PTPRA: variants seen among roughly 807,000 people sequenced by gnomAD.
The protein encoded by PTPRA is receptor-type tyrosine-protein phosphatase alpha.
PTPRA carries 25 observed loss-of-function variants against 104.8 expected under a neutral mutation model. The observed-to-expected ratio is 0.24, with a 90% CI of 0.17 to 0.33. The LOEUF (loss-of-function observed/expected upper bound fraction) is 0.33. Ranked by LOEUF, PTPRA falls within the 10% of genes least tolerant of loss-of-function variation. The pLI, the probability that PTPRA is intolerant of heterozygous loss-of-function variation, is 1.00. For synonymous variants in PTPRA, 323 were observed against 368.9 expected (o/e 0.88, Z 1.43); for missense variants, 765 against 1,015.3 (o/e 0.75, Z 3.35).
At chr20:2,868,134 C>G in the PTPRA span, among the ~76,000 whole-genome samples, 1 of 152,144 alleles carries the variant, frequency 6.6e-6, no homozygotes, top group Non-Finnish European at 1.5e-5. Context: ...GCCAGAACAC[C>G]TGCAACATGG....
At chr20:2,904,894 A>G (rs1043370505) in intron 1 of PTPRA, among the ~76,000 whole-genome samples, 1 of 152,156 alleles carries the variant, frequency 6.6e-6, no homozygotes, top group Non-Finnish European at 1.5e-5. Flanking sequence ...GGGGAAAAAT[A>G]CGTAAAGATT....
chr20:2,892,817 T>C (rs1231117963), intron 1 of PTPRA, among the ~76,000 whole-genome samples: 1 of 152,242 alleles, frequency 6.6e-6, no homozygotes, highest in Non-Finnish European at 1.5e-5. Flanking sequence ...GCAGCAGAAC[T>C]AAGTTCGGTT....
At chr20:2,990,133 T>C (rs1257577986) in intron 9 of PTPRA, among the ~76,000 whole-genome samples, 1 of 152,206 alleles carries the variant, frequency 6.6e-6, no homozygotes, top group African/African-American at 2.4e-5. Flanking sequence ...TGCTAGTAGA[T>C]TGACCTAATG....
At chr20:2,914,221 T>C (rs559811139) in intron 1 of PTPRA, among the ~76,000 whole-genome samples, 1 of 152,268 alleles carries the variant, frequency 6.6e-6, no homozygotes, top group East Asian at 1.9e-4. Flanking sequence ...AAGCCCTTCT[T>C]ATACTTTTCC....
At chr20:2,906,619 C>T (rs192371907) in intron 1 of PTPRA, among the ~76,000 whole-genome samples, 26 of 152,200 alleles carry the variant, frequency 1.7e-4, no homozygotes, top group Admixed American at 3.3e-4. Flanking sequence ...GGAGTGATAA[C>T]ATTTTCTTAA....
chr20:3,024,061 C>G (rs993545330), intron 16 of PTPRA, among the ~76,000 whole-genome samples: 1 of 152,146 alleles, frequency 6.6e-6, no homozygotes, highest in East Asian at 1.9e-4. Context: ...TGATGAAGCT[C>G]GGCCACATCT....
chr20:2,943,217 C>CCCCCCG (rs2060992280), intron 2 of PTPRA, among the ~76,000 whole-genome samples: 1 of 145,616 alleles, frequency 6.9e-6, no homozygotes, highest in African/African-American at 2.6e-5. Flanking sequence ...CCCCCCACCC[C>CCCCCCG]CCCCCCAGAT....
At chr20:2,933,821 G>C (rs2060593929) in intron 2 of PTPRA, among the ~76,000 whole-genome samples, 1 of 151,646 alleles carries the variant, frequency 6.6e-6, no homozygotes, top group Non-Finnish European at 1.5e-5. Flanking sequence ...TTTATTTTCA[G>C]TTTATGATGT....
At chr20:2,960,309 G>A (rs935710908) in intron 3 of PTPRA, among the ~76,000 whole-genome samples, 5 of 150,070 alleles carry the variant, frequency 3.3e-5, no homozygotes, top group Non-Finnish European at 7.4e-5. Flanking sequence ...GAGTGCAGTG[G>A]CGCCATCTTG....
At chr20:2,910,442 ATAAG>A (rs1411735625) in intron 1 of PTPRA, among the ~76,000 whole-genome samples, 4 of 127,104 alleles carry the variant, frequency 3.1e-5, no homozygotes, top group Admixed American at 2.7e-4. Flanking sequence ...TATATTATAT[ATAAG>A]TAAAGTATAT....
chr20:2,957,453 T>A (rs971000457), intron 3 of PTPRA, among the ~76,000 whole-genome samples: 2 of 152,166 alleles, frequency 1.3e-5, no homozygotes, highest in African/African-American at 4.8e-5. Context: ...AGTGGAATGG[T>A]GGAACAAGAA....
chr20:2,870,146 A>T (rs866526925), upstream of PTPRA, among the ~76,000 whole-genome samples: 7 of 151,990 alleles, frequency 4.6e-5, no homozygotes, highest in Middle Eastern at 0.01. Flanking sequence ...AGGCAGGCAG[A>T]TCGCCTGAGG....
intron 1 of PTPRA, among the ~76,000 whole-genome samples, chr20:2,912,219 C>T (rs1399549418): frequency 6.6e-6 from 1 of 152,150 alleles, no homozygotes; most frequent in Non-Finnish European, 1.5e-5. Flanking sequence ...TGCACTCCAG[C>T]CTGGGTGACA....
intron 1 of PTPRA, among the ~76,000 whole-genome samples, chr20:2,911,938 C>G (rs2059736919): frequency 6.6e-6 from 1 of 151,976 alleles, no homozygotes; most frequent in Non-Finnish European, 1.5e-5. Context: ...GGTAGGTATT[C>G]AGATTCGATT....
chr20:2,933,112 T>C (rs562524707), intron 2 of PTPRA, among the ~76,000 whole-genome samples: 1 of 152,352 alleles, frequency 6.6e-6, no homozygotes, highest in Admixed American at 6.5e-5. Context: ...ATTACAATTA[T>C]AGCAGTACAC....
chr20:2,881,408 T>C (rs1246352809), intron 1 of PTPRA, among the ~76,000 whole-genome samples: 1 of 152,168 alleles, frequency 6.6e-6, no homozygotes, highest in Non-Finnish European at 1.5e-5. Context: ...ATTTGGAACA[T>C]AAAAAGAACC....
At chr20:3,020,240 C>T (rs1042332651) in intron 13 of PTPRA, among the ~76,000 whole-genome samples, 4 of 152,160 alleles carry the variant, frequency 2.6e-5, no homozygotes, top group African/African-American at 4.8e-5. Flanking sequence ...TCCCGAGTAC[C>T]ACCCGCCACC....
intron 3 of PTPRA, among the ~76,000 whole-genome samples, chr20:2,952,224 C>T (rs1408845581): frequency 1.3e-5 from 2 of 152,078 alleles, no homozygotes; most frequent in African/African-American, 4.8e-5. Context: ...ATATCCTTGA[C>T]AGCACTTGGT....
intron 2 of PTPRA, 48 bp downstream of exon 2, chr20:2,923,333 T>C (rs1287245826): frequency 1.6e-6 from 2 of 1,228,686 alleles, no homozygotes; most frequent in Non-Finnish European, 2.1e-6. Flanking sequence ...GCCAGCCAAG[T>C]AGTGTCCTTA....
Sources: gnomAD v4.1 joint callset for allele counts (sites outside exome capture counted in the v4.1 genomes callset) on GRCh38, gnomAD v4.1.1 for gene constraint, MANE v1.5 for transcripts, NCBI Gene and HGNC (gene_info 2026-07-23, HGNC 2026-07-21) for gene names.